ANO3: variants seen among roughly 807,000 people sequenced by gnomAD.
ANO3 encodes anoctamin 3.
In ANO3, 99 loss-of-function variants were observed where a neutral mutation model predicts 144.8. The observed-to-expected ratio is 0.68, with a 90% confidence interval of 0.58 to 0.81. The LOEUF (loss-of-function observed/expected upper bound fraction) is 0.81. ANO3 is among the 30% of genes least tolerant of loss of function. The pLI, the probability that ANO3 is intolerant of heterozygous loss-of-function variation, is 0.00. For synonymous variants in ANO3, 414 were observed against 392.6 expected, an observed-to-expected ratio of 1.05 and a Z score of -0.64; for missense variants, 905 against 1,202.2, an observed-to-expected ratio of 0.75 and a Z score of 3.66.
At chr11:26,285,494 G>A (rs60193609) in intron 1 of ANO3, among the ~76,000 whole-genome samples, 9,109 of 152,122 alleles carry the variant, frequency 0.06, 494 homozygotes, top group African/African-American at 0.14. Flanking sequence ...AACATGGTCC[G>A]TGAATCTCTG....
chr11:26,568,232 C>G (rs536229104), intron 14 of ANO3, among the ~76,000 whole-genome samples: 1 of 151,888 alleles, frequency 6.6e-6, no homozygotes, highest in Non-Finnish European at 1.5e-5. Context: ...TAATGCTAAC[C>G]AAAAATAAAC....
chr11:26,651,979 C>G (rs1343124634), intron 24 of ANO3, among the ~76,000 whole-genome samples: 1 of 152,138 alleles, frequency 6.6e-6, no homozygotes, highest in Non-Finnish European at 1.5e-5. Context: ...CTTTGATGTC[C>G]TCTTTTCCAT....
At chr11:26,444,564 C>CCG (rs1858637790) in intron 3 of ANO3, among the ~76,000 whole-genome samples, 1 of 152,168 alleles carries the variant, frequency 6.6e-6, no homozygotes, top group African/African-American at 2.4e-5. Flanking sequence ...ATTCAGATCA[C>CCG]TGGAGGGCTT....
intron 24 of ANO3, among the ~76,000 whole-genome samples, chr11:26,653,467 C>T (rs1342656223): frequency 6.6e-6 from 1 of 152,114 alleles, no homozygotes; most frequent in Non-Finnish European, 1.5e-5. Context: ...CATCTCTCAC[C>T]TGGATCCTTG....
chr11:26,632,701 C>T (rs989801952), intron 18 of ANO3, among the ~76,000 whole-genome samples: 1 of 151,702 alleles, frequency 6.6e-6, no homozygotes, highest in Non-Finnish European at 1.5e-5. Context: ...ATTGACAAAA[C>T]TTATCCACAC....
intron 1 of ANO3, among the ~76,000 whole-genome samples, chr11:26,435,042 A>G (rs1453171080): frequency 6.6e-6 from 1 of 152,104 alleles, no homozygotes; most frequent in African/African-American, 2.4e-5. Context: ...CTATTATTGT[A>G]TGGGAGTTGA....
Position 26,599,726 on chromosome 11 carries a change from T to C in ANO3, c.1836+12T>C, listed in dbSNP as rs1014797855. The C allele has an allele frequency of 9.3e-6, 15 of 1,609,520 alleles. No homozygotes were observed. The highest frequency in any genetic ancestry group is 5.0e-5 in the Admixed American group (3 of 59,894). ...TGTTGCTGAATCTTGTAAGTGTCTA[T>C]AATGTTATTCTTCAGTAGACAAAAA... On this transcript the variant is annotated intron_variant, in intron 17 of 26. Transcript: ENST00000256737.
At chr11:26,383,960 C>T (rs1331977788) in intron 1 of ANO3, among the ~76,000 whole-genome samples, 4 of 114,826 alleles carry the variant, frequency 3.5e-5, no homozygotes, top group East Asian at 3.1e-4. Flanking sequence ...TGCAGTGGTG[C>T]GATCTTGGCT....
chr11:26,534,944 A>T (rs546405681), intron 9 of ANO3, among the ~76,000 whole-genome samples: 3 of 152,160 alleles, frequency 2.0e-5, no homozygotes, highest in East Asian at 3.9e-4. Context: ...CTGAAAAATA[A>T]GTTAGGCTGT....
At chr11:26,366,577 A>G (rs2133932406) in intron 1 of ANO3, among the ~76,000 whole-genome samples, 1 of 152,268 alleles carries the variant, frequency 6.6e-6, no homozygotes, top group African/African-American at 2.4e-5. Context: ...TGGTTGAACT[A>G]GTTTACAGTC....
Position 26,598,537 on chromosome 11 carries a change from AACC to A in ANO3, c.1530+95_1530+97del, listed in dbSNP as rs1425877181. The A allele has an allele frequency of 1.3e-5, 12 of 895,192 alleles. No individual in the cohort carries two copies. In the African/African-American group the frequency reaches 2.1e-4, roughly 15 times the overall value. 55.5% of individuals were successfully genotyped at this position (895,192 alleles called of 1,614,324 possible). The stretch of plus-strand genomic sequence containing the variant: ...CCTAGCATTCCGGCTGGAAGCAGTT[AACC>A]ACCATTAGATTTTTCCCTTGATCTT... On this transcript the variant is annotated intron_variant, in intron 15 of 26. Transcript: ENST00000256737.
chr11:26,509,696 G>C (rs1861581609), intron 5 of ANO3, among the ~76,000 whole-genome samples: 1 of 152,096 alleles, frequency 6.6e-6, no homozygotes, highest in African/African-American at 2.4e-5. Context: ...GAAATATCTA[G>C]ATAATTTGCT....
intron 4 of ANO3, among the ~76,000 whole-genome samples, chr11:26,487,225 C>T (rs1860487907): frequency 6.6e-6 from 1 of 152,186 alleles, no homozygotes; most frequent in African/African-American, 2.4e-5. Flanking sequence ...GTCTTTCCCA[C>T]GCTATTCTCA....
chr11:26,252,113 T>G (rs762948048), intron 1 of ANO3, among the ~76,000 whole-genome samples: 1 of 152,214 alleles, frequency 6.6e-6, no homozygotes, highest in African/African-American at 2.4e-5. Context: ...ACATATAAAA[T>G]ATTTTATTTT....
chr11:26,431,109 G>A (rs531952576), intron 1 of ANO3, among the ~76,000 whole-genome samples: 290 of 152,342 alleles, frequency 1.9e-3, no homozygotes, highest in African/African-American at 6.6e-3. Context: ...TACGATGACT[G>A]AGGAACTGAA....
At chr11:26,250,340 T>G (rs1564933877) in intron 1 of ANO3, among the ~76,000 whole-genome samples, 1 of 152,208 alleles carries the variant, frequency 6.6e-6, no homozygotes, top group South Asian at 2.1e-4. Flanking sequence ...GAGTATAATT[T>G]TCTCTCTCTG....
At chr11:26,220,695 G>T (rs1221822203) in intron 1 of ANO3, among the ~76,000 whole-genome samples, 4 of 152,148 alleles carry the variant, frequency 2.6e-5, no homozygotes, top group Non-Finnish European at 4.4e-5. Context: ...CCTATTTATG[G>T]ATCAGACATC....
chr11:26,597,939 T>C (rs1325541118), intron 14 of ANO3, among the ~76,000 whole-genome samples: 1 of 152,210 alleles, frequency 6.6e-6, no homozygotes, highest in Admixed American at 6.5e-5. Flanking sequence ...CGAGAGTTTG[T>C]TCTTTTGTTC....
At chr11:26,508,519 T>C in intron 5 of ANO3, 1 of 391,726 alleles carries the variant, frequency 2.6e-6, no homozygotes, top group East Asian at 3.7e-5. Flanking sequence ...AAGGAATGAT[T>C]ATAGTTATGT....
Sources: allele counts gnomAD v4.1 joint callset (sites outside exome capture counted in the v4.1 genomes callset), GRCh38; gene constraint gnomAD v4.1.1; transcripts MANE v1.5; gene names NCBI Gene and HGNC (gene_info 2026-07-23, HGNC 2026-07-21).